The following ANKS1B variants were observed in gnomAD, a reference collection of about 807,000 sequenced individuals.
ANKS1B encodes ankyrin repeat and sterile alpha motif domain containing 1B, also known as ankyrin repeat and sterile alpha motif domain-containing protein 1B.
Under a neutral mutation model 148.3 loss-of-function variants are expected in ANKS1B, and 36 were observed. The observed-to-expected ratio is 0.24, with a 90% CI of 0.19 to 0.32. The LOEUF is 0.32. ANKS1B is among the 10% of genes least tolerant of loss of function. The pLI, the probability that ANKS1B is intolerant of heterozygous loss-of-function variation, is 1.00. For synonymous variants in ANKS1B, 542 were observed against 560.8 expected, an observed-to-expected ratio of 0.97 and a Z score of 0.47; for missense variants, 1,157 against 1,542.6, an observed-to-expected ratio of 0.75 and a Z score of 4.19.
Position 99,162,586 on chromosome 12 carries a change from T to C in ANKS1B, c.2420-8191A>G, listed in dbSNP as rs569474875. Among the ~76,000 whole-genome samples the C allele has an allele frequency of 7.2e-5, 11 of 152,288 alleles. No homozygotes were observed. The South Asian group carries it at 2.3e-3, about 32-fold the overall frequency. ...CATCCTCCCTGCAAGGTTATTCATG[T>C]TAATAAACTGGTATGTATATTCATA... On this transcript the variant is annotated intron_variant, in intron 14 of 26. Coordinates refer to ENST00000683438, the MANE Select transcript of ANKS1B (RefSeq NM_001352186.2).
intron 15 of ANKS1B, among the ~76,000 whole-genome samples, chr12:99,130,166 A>T (rs577890150): frequency 9.8e-5 from 15 of 152,324 alleles, no homozygotes; most frequent in African/African-American, 3.4e-4. Flanking sequence ...AGGTATACTG[A>T]TGGTTGCCAT....
intron 8 of ANKS1B, among the ~76,000 whole-genome samples, chr12:99,699,841 C>T (rs2054531459): frequency 6.6e-6 from 1 of 152,136 alleles, no homozygotes; most frequent in South Asian, 2.1e-4. Flanking sequence ...GAAATCTTTG[C>T]CTTCAAGCAT....
intron 9 of ANKS1B, among the ~76,000 whole-genome samples, chr12:99,522,682 A>G (rs2096886855): frequency 6.6e-6 from 1 of 152,196 alleles, no homozygotes; most frequent in African/African-American, 2.4e-5. Context: ...AATACTATGA[A>G]AAAAATATTA....
At chr12:99,894,456 C>T (rs918902532) in intron 1 of ANKS1B, among the ~76,000 whole-genome samples, 1 of 149,802 alleles carries the variant, frequency 6.7e-6, no homozygotes, top group Non-Finnish European at 1.5e-5. Context: ...CTGCAGTGAG[C>T]CATGGCCATG....
At chr12:98,756,890 G>T (rs1186988524) in intron 25 of ANKS1B, among the ~76,000 whole-genome samples, 1 of 151,656 alleles carries the variant, frequency 6.6e-6, no homozygotes, top group Non-Finnish European at 1.5e-5. Context: ...ACCACGCCTG[G>T]CTACTTTTTT....
At chr12:99,447,084 A>G (rs768884940) in intron 10 of ANKS1B, among the ~76,000 whole-genome samples, 3 of 152,102 alleles carry the variant, frequency 2.0e-5, no homozygotes, top group Non-Finnish European at 4.4e-5. Flanking sequence ...CTACAAAGCT[A>G]TAATAATCAA....
chr12:99,154,502 A>G (rs771107405), intron 14 of ANKS1B, 107 bp from the exon 15 acceptor site: 1 of 1,608,338 alleles, frequency 6.2e-7, no homozygotes. Context: ...TGCCCCTGGG[A>G]AAGTTGCTAT....
intron 15 of ANKS1B, among the ~76,000 whole-genome samples, chr12:99,085,418 C>T (rs1565974067): frequency 1.3e-5 from 2 of 151,804 alleles, no homozygotes; most frequent in East Asian, 1.9e-4. Flanking sequence ...AATGTGAATG[C>T]TTCTAGTAAG....
At chr12:99,325,057 A>C (rs2086044162) in intron 12 of ANKS1B, among the ~76,000 whole-genome samples, 1 of 152,180 alleles carries the variant, frequency 6.6e-6, no homozygotes, top group Non-Finnish European at 1.5e-5. Flanking sequence ...ATGATATTTC[A>C]GTCAATGATG....
intron 17 of ANKS1B, among the ~76,000 whole-genome samples, chr12:98,995,467 C>T (rs1016461445): frequency 6.6e-6 from 1 of 152,078 alleles, no homozygotes; most frequent in Non-Finnish European, 1.5e-5. Context: ...AGAGTAAACT[C>T]TGTGTAAGAA....
intron 11 of ANKS1B, among the ~76,000 whole-genome samples, chr12:99,430,056 A>T (rs1380579932): frequency 6.8e-6 from 1 of 147,924 alleles, no homozygotes; most frequent in Non-Finnish European, 1.5e-5. Flanking sequence ...CAGGAAAAAA[A>T]AAAAAAGATC....
At chr12:99,712,890 G>A (rs1490812252) in intron 8 of ANKS1B, among the ~76,000 whole-genome samples, 1 of 143,748 alleles carries the variant, frequency 7.0e-6, no homozygotes, top group African/African-American at 2.5e-5. Context: ...GCTCTGCCAT[G>A]ACCTCAGAGT....
chr12:99,545,160 G>C (rs1359038832), intron 9 of ANKS1B, among the ~76,000 whole-genome samples: 1 of 152,086 alleles, frequency 6.6e-6, no homozygotes, highest in Non-Finnish European at 1.5e-5. Flanking sequence ...AGGCATTCTA[G>C]ACACCCATGA....
At chr12:99,702,895 C>T (rs2055098610) in intron 8 of ANKS1B, among the ~76,000 whole-genome samples, 1 of 152,018 alleles carries the variant, frequency 6.6e-6, no homozygotes, top group African/African-American at 2.4e-5. Flanking sequence ...TTAGTAGTTT[C>T]ATAGTTTCAG....
Position 98,930,697 on chromosome 12 carries a change from T to G in ANKS1B, c.2779-98561A>C, listed in dbSNP as rs570018694. 3.9e-5 allele frequency among the ~76,000 whole-genome samples: 6 copies of G among 152,000 alleles called. No homozygotes were observed. In the South Asian group the frequency reaches 1.3e-3, roughly 32 times the overall value. ...AAAAAAAGACCACATATTGTACGAT[T>G]CTGTTTATATGAAATGTCCAGTGTA... On this transcript the variant is annotated intron_variant, in intron 17 of 26. Transcript: ENST00000683438.
chr12:99,294,998 T>C (rs1005948186), intron 12 of ANKS1B, among the ~76,000 whole-genome samples: 3 of 152,198 alleles, frequency 2.0e-5, no homozygotes, highest in Non-Finnish European at 4.4e-5. Context: ...CTTGAGGGGA[T>C]AGATAGCCCA....
At chr12:99,817,205 C>A (rs2081987481) in intron 2 of ANKS1B, among the ~76,000 whole-genome samples, 1 of 148,156 alleles carries the variant, frequency 6.7e-6, no homozygotes, top group South Asian at 2.2e-4. Context: ...TACCAATTAA[C>A]TTTCTACTTC....
At chr12:98,916,119 C>T (rs949531809) in intron 17 of ANKS1B, among the ~76,000 whole-genome samples, 14 of 152,198 alleles carry the variant, frequency 9.2e-5, no homozygotes, top group African/African-American at 3.4e-4. Context: ...GAGGAAAACC[C>T]TGTGTTTGAC....
At chr12:98,937,225 A>G (rs1332150899) in intron 17 of ANKS1B, among the ~76,000 whole-genome samples, 2 of 152,190 alleles carry the variant, frequency 1.3e-5, no homozygotes, top group African/African-American at 4.8e-5. Context: ...CGTTTTTAGC[A>G]TATGTTTTAT....
Sources: allele counts gnomAD v4.1 joint callset (sites outside exome capture counted in the v4.1 genomes callset), GRCh38; gene constraint gnomAD v4.1.1; transcripts MANE v1.5; gene names NCBI Gene and HGNC (gene_info 2026-07-23, HGNC 2026-07-21).